The following MTERF4 variants were observed in gnomAD, a reference collection of about 807,000 sequenced individuals.
The protein encoded by MTERF4 is transcription termination factor 4, mitochondrial.
MTERF4 carries 17 observed loss-of-function variants against 22.5 expected under a neutral mutation model. The ratio of observed to expected loss-of-function variants is 0.75; its 90% CI spans 0.52 to 1.13. The LOEUF is 1.13. MTERF4 is among the 50% of genes most tolerant of loss of function. The pLI is 0.00. For synonymous variants in MTERF4, 165 were observed against 175.3 expected, an observed-to-expected ratio of 0.94 and a Z score of 0.47; for missense variants, 420 against 466.8, an observed-to-expected ratio of 0.90 and a Z score of 0.92.
At chr2:241,067,810 C>A (rs202127695), downstream of MTERF4, 91 of 1,613,214 alleles carry the variant, frequency 5.6e-5, no homozygotes, top group Non-Finnish European at 7.1e-5. Context: ...TGACGGCTAG[C>A]ACCATCTCAG....
the MTERF4 span, chr2:241,062,779 C>G: frequency 4.4e-6 from 7 of 1,590,522 alleles, no homozygotes; most frequent in South Asian, 4.5e-5. Flanking sequence ...TTCTTGGGCT[C>G]TCTCCTCTCA....
At chr2:241,069,554 C>T (rs1471059450), downstream of MTERF4, among the ~76,000 whole-genome samples, 1 of 152,210 alleles carries the variant, frequency 6.6e-6, no homozygotes. The surrounding 1 kb of genome is among the most constrained non-coding windows in gnomAD (Gnocchi z 4.9). Context: ...CACTCAGATG[C>T]TGCCCGCCTG....
the MTERF4 span, chr2:241,051,529 A>G: frequency 2.3e-6 from 1 of 434,984 alleles, no homozygotes; most frequent in African/African-American, 2.0e-5. This position sits in a 1 kb window ranked among gnomAD's most constrained non-coding sequence, Gnocchi z 4.7. Flanking sequence ...CAAAGGGCCC[A>G]CCTGTGACTG....
At position 241,097,376 on chromosome 2, in the gene MTERF4, T is replaced by C; in HGVS notation, c.572A>G (p.Gln191Arg). Residue 191 changes from glutamine (Q) to arginine (R), a missense_variant, in exon 3 of 4, where the codon CAG becomes CGG. Gln to Arg is a conservative substitution (Grantham distance 43, BLOSUM62 1). Coordinates refer to ENST00000391980, the MANE Select transcript of MTERF4 (RefSeq NM_182501.4). ...YCCPEIFTMR[Q>R]QDINDTVRLL... The stretch of plus-strand genomic sequence containing the variant: ...CCTGACAGTGTCGTTAATGTCCTGC[T>C]GGCGCATGGTGAAAATTTCAGGGCA... 1 of 1,614,236 alleles carries C rather than the reference T, an allele frequency of 6.2e-7. No individual in the cohort carries two copies. Among genetic ancestry groups the C allele is most frequent in the Non-Finnish European group, 8.5e-7 (1 of 1,180,038 alleles).
the MTERF4 span, among the ~76,000 whole-genome samples, chr2:241,047,264 G>A: frequency 6.6e-6 from 1 of 152,064 alleles, no homozygotes; most frequent in Admixed American, 6.5e-5. Context: ...TGGGAATTAG[G>A]AGGGACCTTT....
At chr2:241,067,376 G>A (rs554983755), downstream of MTERF4, among the ~76,000 whole-genome samples, 154 of 152,346 alleles carry the variant, frequency 1.0e-3, no homozygotes, top group Admixed American at 1.6e-3. Context: ...GACCAGGCCC[G>A]GATGTGTGCT....
intron 4 of MTERF4, among the ~76,000 whole-genome samples, chr2:241,079,278 G>A (rs1029244430): frequency 5.3e-5 from 8 of 151,382 alleles, no homozygotes; most frequent in African/African-American, 1.9e-4. Flanking sequence ...CGGGCGCAGT[G>A]GCAGGCGCCT....
intron 2 of MTERF4, chr2:241,099,178 G>A (rs558090926): frequency 3.9e-5 from 20 of 507,194 alleles, no homozygotes; most frequent in Admixed American, 1.1e-4. Flanking sequence ...GGGTTCAAGC[G>A]ATTTTCATGC....
At chr2:241,076,632 C>G (rs1311046480) in intron 4 of MTERF4, among the ~76,000 whole-genome samples, 1 of 152,148 alleles carries the variant, frequency 6.6e-6, no homozygotes, top group Non-Finnish European at 1.5e-5. Flanking sequence ...GAGGCCTAGG[C>G]AGGTGAATCA....
chr2:241,043,187 A>C, the MTERF4 span, among the ~76,000 whole-genome samples: 1 of 152,372 alleles, frequency 6.6e-6, no homozygotes, highest in African/African-American at 2.4e-5. Context: ...ATTTCCAAGA[A>C]AAGCATGAAG....
chr2:241,048,296 A>C, the MTERF4 span: 1 of 1,581,030 alleles, frequency 6.3e-7, no homozygotes, highest in Non-Finnish European at 8.6e-7. Flanking sequence ...GCCGCTGGTG[A>C]CTGCCGTCTT....
exon 5 of MTERF4, chr2:241,074,587 C>T (rs965663437): frequency 6.6e-6 from 1 of 152,166 alleles, no homozygotes; most frequent in Non-Finnish European, 1.5e-5. Context: ...AGATGACCCC[C>T]GGGCTGGCCC....
rs1271059059 is a variant in MTERF4, at chr2:241,075,387, G to T, written n.775C>A. 1 of 152,310 alleles carries T rather than the reference G, an allele frequency of 6.6e-6. No homozygotes were observed. Among genetic ancestry groups the T allele is most frequent in the Middle Eastern group, 3.4e-3 (1 of 294 alleles). The allele number at this position is 152,310 out of a possible 1,614,324, so 9.4% of individuals were successfully genotyped here. On this transcript the variant is annotated non_coding_transcript_exon_variant, in exon 5 of 5. Transcript: ENST00000464344. This position sits in a 1 kb window ranked among gnomAD's most constrained non-coding sequence, Gnocchi z 4.8. ...TCCAGTCTCTCTAGAACTAGGTTTTGCCGGGTTTGCAGATCCTACAGGCAG... is the reference window on the plus strand; with the variant it reads ...TCCAGTCTCTCTAGAACTAGGTTTTTCCGGGTTTGCAGATCCTACAGGCAG...
At chr2:241,081,811 C>T (rs1301751665) in intron 4 of MTERF4, 3 of 1,537,384 alleles carry the variant, frequency 2.0e-6, no homozygotes, top group Admixed American at 1.9e-5. Flanking sequence ...GGGGCTTGGC[C>T]TCAGGGCGCC....
In MTERF4 at chr2:241,102,221, C is replaced by G. The variant is rs1349959044; in HGVS notation, c.21+32G>C. ...CGTCGCTGCCCGCCCGCCTGCGACCCGGAGAAGCCCGCGCGCCCAGCTCGA... is the reference window on the plus strand; with the variant it reads ...CGTCGCTGCCCGCCCGCCTGCGACCGGGAGAAGCCCGCGCGCCCAGCTCGA... On this transcript the variant is annotated intron_variant, in intron 1 of 3. Coordinates refer to ENST00000391980, the MANE Select transcript of MTERF4 (RefSeq NM_182501.4). 8 of 1,547,996 alleles carry G rather than the reference C, an allele frequency of 5.2e-6. No homozygotes were observed. In the Admixed American group the frequency reaches 1.2e-4, roughly 23 times the overall value.
the MTERF4 span, chr2:241,053,220 C>T: frequency 7.5e-6 from 12 of 1,609,080 alleles, no homozygotes; most frequent in Admixed American, 5.0e-5. Flanking sequence ...CGCGGCTGGG[C>T]GCGGTGGCCC....
the MTERF4 span, chr2:241,053,271 C>G: frequency 1.9e-6 from 3 of 1,603,274 alleles, no homozygotes; most frequent in Non-Finnish European, 1.7e-6. Flanking sequence ...GCGCCCCCAG[C>G]CGCATCCGGG....
At chr2:241,045,324 G>A in the MTERF4 span, among the ~76,000 whole-genome samples, 7 of 152,176 alleles carry the variant, frequency 4.6e-5, no homozygotes, top group Non-Finnish European at 1.0e-4. Context: ...TATATGGCAA[G>A]AAAAAGAATT....
chr2:241,046,383 A>G, the MTERF4 span, among the ~76,000 whole-genome samples: 4 of 152,230 alleles, frequency 2.6e-5, no homozygotes, highest in Non-Finnish European at 4.4e-5. Flanking sequence ...ATTTATAATC[A>G]CCAAACCCCA....
Sources: gnomAD v4.1 joint callset for allele counts (sites outside exome capture counted in the v4.1 genomes callset) on GRCh38, gnomAD v4.1.1 for gene constraint, Gnocchi (gnomAD v3.1) non-coding constraint, MANE v1.5 for transcripts, NCBI Gene and HGNC (gene_info 2026-07-23, HGNC 2026-07-21) for gene names.